CSMD3: variants seen among roughly 807,000 people sequenced by gnomAD.
CSMD3 encodes CUB and sushi domain-containing protein 3.
In CSMD3, 177 loss-of-function variants were observed where a neutral mutation model predicts 435.2. The observed-to-expected ratio is 0.41, with a 90% CI of 0.36 to 0.46. The LOEUF is 0.46. Ranked by LOEUF, CSMD3 falls within the 20% of genes least tolerant of loss-of-function variation. The pLI is 0.34. For missense variants in CSMD3, 4,265 were observed against 4,504.6 expected, an observed-to-expected ratio of 0.95 and a Z score of 1.52; for synonymous variants, 1,656 against 1,520.5, an observed-to-expected ratio of 1.09 and a Z score of -2.07.
At chr8:112,262,315 A>G (rs544115421) in intron 61 of CSMD3, among the ~76,000 whole-genome samples, 2 of 152,216 alleles carry the variant, frequency 1.3e-5, no homozygotes, top group Non-Finnish European at 2.9e-5. Flanking sequence ...TTTACTTTCT[A>G]TACCTACATC....
At chr8:112,444,130 T>C (rs902579509) in intron 32 of CSMD3, among the ~76,000 whole-genome samples, 4 of 152,134 alleles carry the variant, frequency 2.6e-5, no homozygotes, top group South Asian at 2.1e-4. Context: ...AAGGAGCATA[T>C]GGGAAAAGGC....
intron 2 of CSMD3, among the ~76,000 whole-genome samples, chr8:113,280,061 G>A (rs1031376145): frequency 1.3e-5 from 2 of 151,644 alleles, no homozygotes; most frequent in South Asian, 2.1e-4. Context: ...TTTTGGATTC[G>A]GTTAGCTAGT....
intron 64 of CSMD3, among the ~76,000 whole-genome samples, chr8:112,244,832 T>A (rs992167820): frequency 1.3e-5 from 2 of 151,930 alleles, no homozygotes; most frequent in African/African-American, 4.8e-5. Context: ...AAAAAAGACA[T>A]TGTCAACAAC....
At chr8:112,826,407 C>T (rs1280058587) in intron 12 of CSMD3, among the ~76,000 whole-genome samples, 2 of 152,158 alleles carry the variant, frequency 1.3e-5, no homozygotes, top group African/African-American at 2.4e-5. Context: ...AGATGAGTGG[C>T]TATTGAGAAT....
intron 22 of CSMD3, among the ~76,000 whole-genome samples, chr8:112,602,265 G>T (rs889512954): frequency 6.6e-6 from 1 of 151,986 alleles, no homozygotes; most frequent in African/African-American, 2.4e-5. Flanking sequence ...ACAAATAAAG[G>T]GTTAGGGGAT....
At chr8:112,871,674 C>A (rs1481544017) in intron 10 of CSMD3, among the ~76,000 whole-genome samples, 1 of 152,032 alleles carries the variant, frequency 6.6e-6, no homozygotes, top group Non-Finnish European at 1.5e-5. Flanking sequence ...AAATAAGAGA[C>A]AGAGTTTTGT....
intron 49 of CSMD3, among the ~76,000 whole-genome samples, chr8:112,312,263 G>GT (rs909358730): frequency 1.3e-4 from 19 of 151,676 alleles, no homozygotes; most frequent in South Asian, 2.1e-4. Flanking sequence ...CAGTTTTTTG[G>GT]TTTTTTTTGA....
intron 10 of CSMD3, among the ~76,000 whole-genome samples, chr8:112,868,697 C>A (rs914777945): frequency 6.6e-6 from 1 of 152,090 alleles, no homozygotes; most frequent in African/African-American, 2.4e-5. Flanking sequence ...GAAAGTCCAG[C>A]AGTAAACCCA....
intron 10 of CSMD3, among the ~76,000 whole-genome samples, chr8:112,916,571 T>G (rs1458546786): frequency 2.0e-5 from 3 of 151,942 alleles, no homozygotes; most frequent in Admixed American, 6.6e-5. Context: ...ATCATCCTTA[T>G]TATGCATCAT....
Position 112,540,569 on chromosome 8 carries a change from A to G in CSMD3, c.4564+10102T>C, listed in dbSNP as rs147724833. Among the ~76,000 whole-genome samples, 541 of 152,216 alleles carry G rather than the reference A, an allele frequency of 3.6e-3. 1 individual carries two copies. Among genetic ancestry groups the G allele is most frequent in the African/African-American group, 0.013 (520 of 41,586 alleles). The stretch of plus-strand genomic sequence containing the variant: ...TGGATAAAGAAAATGTGCTATATAT[A>G]CACAATGGAATGTTATTCAGCCACG... On this transcript the variant is annotated intron_variant, in intron 27 of 70. Coordinates refer to ENST00000297405, the MANE Select transcript of CSMD3 (RefSeq NM_198123.2).
intron 16 of CSMD3, among the ~76,000 whole-genome samples, chr8:112,679,912 A>G (rs559796103): frequency 6.6e-6 from 1 of 152,310 alleles, no homozygotes; most frequent in Non-Finnish European, 1.5e-5. Flanking sequence ...GCTACTTAGC[A>G]TTATTTAAAA....
At chr8:112,917,174 G>A (rs146054133) in intron 10 of CSMD3, among the ~76,000 whole-genome samples, 142 of 151,936 alleles carry the variant, frequency 9.3e-4, no homozygotes, top group Non-Finnish European at 1.6e-3. Context: ...TTCAAAATTC[G>A]AACACTTTAG....
intron 13 of CSMD3, among the ~76,000 whole-genome samples, chr8:112,717,374 T>A (rs901497155): frequency 1.3e-5 from 2 of 152,120 alleles, no homozygotes; most frequent in Admixed American, 1.3e-4. Context: ...TGAGATACTA[T>A]CTCTTGCCAG....
At chr8:113,108,384 C>A (rs151148611) in intron 4 of CSMD3, among the ~76,000 whole-genome samples, 2 of 149,872 alleles carry the variant, frequency 1.3e-5, no homozygotes, top group Non-Finnish European at 2.9e-5. Context: ...ATCGAGATTG[C>A]GCCACTGCAT....
At chr8:113,239,588 G>T (rs1202859232) in intron 3 of CSMD3, among the ~76,000 whole-genome samples, 1 of 151,736 alleles carries the variant, frequency 6.6e-6, no homozygotes, top group Non-Finnish European at 1.5e-5. Context: ...ACAGATTTTG[G>T]CATGAAGAAG....
At chr8:112,517,792 G>T (rs1003612771) in intron 27 of CSMD3, among the ~76,000 whole-genome samples, 2 of 152,078 alleles carry the variant, frequency 1.3e-5, no homozygotes, top group Non-Finnish European at 2.9e-5. Context: ...GGAGAAAACG[G>T]GATCATTCAT....
At chr8:113,045,438 T>C (rs2087788897) in intron 5 of CSMD3, among the ~76,000 whole-genome samples, 3 of 149,468 alleles carry the variant, frequency 2.0e-5, no homozygotes, top group Admixed American at 2.0e-4. Flanking sequence ...TTCTTCTAAA[T>C]ATATGCCTTT....
intron 70 of CSMD3, among the ~76,000 whole-genome samples, chr8:112,227,687 C>T (rs1412271296): frequency 6.6e-6 from 1 of 152,086 alleles, no homozygotes; most frequent in African/African-American, 2.4e-5. Context: ...GCTGGTAATT[C>T]ACACTCAGTA....
At chr8:113,358,098 T>C (rs1331789286) in intron 1 of CSMD3, among the ~76,000 whole-genome samples, 2 of 152,198 alleles carry the variant, frequency 1.3e-5, no homozygotes, top group African/African-American at 2.4e-5. Context: ...TGGATGGATA[T>C]TTTGCACAAT....
Sources: allele counts gnomAD v4.1 joint callset (sites outside exome capture counted in the v4.1 genomes callset), GRCh38; gene constraint gnomAD v4.1.1; transcripts MANE v1.5; gene names NCBI Gene and HGNC (gene_info 2026-07-23, HGNC 2026-07-21).